DGKI: variants seen among roughly 807,000 people sequenced by gnomAD.
DGKI encodes the protein diacylglycerol kinase iota.
DGKI carries 55 observed loss-of-function variants against 147.5 expected under a neutral mutation model. That is an observed-to-expected ratio of 0.37 (90% CI 0.30 to 0.47). DGKI has a LOEUF of 0.47. Among genes scored for constraint, DGKI ranks in the 20% least tolerant of loss-of-function variants. The probability of loss-of-function intolerance (pLI) is 1.00; values close to 1 mark genes in which losing one functional copy is unlikely to be tolerated. For missense variants in DGKI, 1,007 were observed against 1,323.8 expected (o/e 0.76, Z 3.71); for synonymous variants, 469 against 477.1 (o/e 0.98, Z 0.22).
At chr7:137,427,076 A>C (rs536492806) in intron 28 of DGKI, among the ~76,000 whole-genome samples, 193 of 151,700 alleles carry the variant, frequency 1.3e-3, no homozygotes, top group South Asian at 5.4e-3. Flanking sequence ...GAACTCTCCA[A>C]CCCAAATCAA....
rs960676898 is a variant in DGKI, at chr7:137,490,134, C to T, written c.2249-2445G>A. On this transcript the variant is annotated intron_variant, in intron 21 of 32. Coordinates refer to ENST00000614521, the MANE Select transcript of DGKI (RefSeq NM_001321708.2). The stretch of plus-strand genomic sequence containing the variant: ...AAGAAAGAAAAAAGGGCATTCTCTA[C>T]CACAATTTTATAACACGATTACCAA... 2.6e-5 allele frequency among the ~76,000 whole-genome samples: 4 copies of T among 152,138 alleles called. No homozygotes were observed. The South Asian group carries it at 8.3e-4, about 32-fold the overall frequency.
chr7:137,729,507 A>C (rs1400340161), intron 1 of DGKI, among the ~76,000 whole-genome samples: 4 of 152,158 alleles, frequency 2.6e-5, no homozygotes, highest in Non-Finnish European at 5.9e-5. Context: ...ATCTATAAAA[A>C]CTAAATAACT....
chr7:137,731,382 T>G (rs1024197513), intron 1 of DGKI, among the ~76,000 whole-genome samples: 1 of 152,126 alleles, frequency 6.6e-6, no homozygotes, highest in Admixed American at 6.6e-5. Flanking sequence ...TTGCTTATTG[T>G]TCTTTCCCCA....
intron 1 of DGKI, among the ~76,000 whole-genome samples, chr7:137,814,733 T>C (rs372636680): frequency 1.3e-5 from 2 of 152,302 alleles, no homozygotes; most frequent in South Asian, 4.2e-4. Flanking sequence ...TCTGTAAGTA[T>C]TATTAAATGT....
intron 1 of DGKI, among the ~76,000 whole-genome samples, chr7:137,709,274 C>T (rs978379016): frequency 3.3e-5 from 5 of 152,050 alleles, no homozygotes; most frequent in African/African-American, 1.2e-4. Context: ...CTCTTATGGG[C>T]CACTGGGTAC....
chr7:137,648,398 T>C (rs1170444470), intron 5 of DGKI, among the ~76,000 whole-genome samples: 1 of 152,228 alleles, frequency 6.6e-6, no homozygotes, highest in African/African-American at 2.4e-5. Context: ...TCAACAATTA[T>C]TTAGAAATCT....
intron 23 of DGKI, among the ~76,000 whole-genome samples, chr7:137,470,980 C>T (rs555060419): frequency 6.6e-6 from 1 of 152,308 alleles, no homozygotes; most frequent in East Asian, 1.9e-4. Context: ...ATTAAGGCTA[C>T]ATCCACGAAA....
chr7:137,612,221 CTTT>C (rs551204704), intron 8 of DGKI, among the ~76,000 whole-genome samples: 4 of 113,948 alleles, frequency 3.5e-5, no homozygotes, highest in Non-Finnish European at 5.5e-5. Flanking sequence ...ACAAAACGGG[CTTT>C]TTTTTTTTTT....
chr7:137,678,585 C>G lies in DGKI; in HGVS notation c.578G>C (p.Gly193Ala), dbSNP rs1823119675. 1 of 1,614,020 alleles carries G rather than the reference C, an allele frequency of 6.2e-7. No individual in the cohort carries two copies. The highest frequency in any genetic ancestry group is 1.1e-5 in the South Asian group (1 of 91,084). The stretch of plus-strand genomic sequence containing the variant: ...AAATCTGACTTGGCAGTTCTCCTCT[C>G]CAAGGTAGCAGAGGTCTCCCGAGAC... ...TNVSGDLCYL[G>A]EENCQVRFAK... The change falls in exon 3 of 33, where the codon GGA becomes GCA. Residue 193 changes from glycine (G) to alanine (A), a missense_variant. Transcript: ENST00000614521.
chr7:137,415,024 G>C (rs906263578), intron 28 of DGKI, among the ~76,000 whole-genome samples: 1 of 152,110 alleles, frequency 6.6e-6, no homozygotes, highest in African/African-American at 2.4e-5. Context: ...AAGACATATG[G>C]ACCTTCAGAA....
intron 1 of DGKI, among the ~76,000 whole-genome samples, chr7:137,730,285 G>C (rs893944286): frequency 2.6e-5 from 4 of 152,084 alleles, no homozygotes; most frequent in Non-Finnish European, 5.9e-5. Flanking sequence ...AGGACCTGAT[G>C]CCTTTCTGGG....
chr7:137,680,650 G>T (rs1167173227), intron 2 of DGKI, among the ~76,000 whole-genome samples: 1 of 152,048 alleles, frequency 6.6e-6, no homozygotes, highest in Non-Finnish European at 1.5e-5. Flanking sequence ...CATGGTGGCA[G>T]GCACCTGTAA....
At chr7:137,626,549 A>G (rs1357464881) in intron 6 of DGKI, among the ~76,000 whole-genome samples, 2 of 152,164 alleles carry the variant, frequency 1.3e-5, no homozygotes, top group Non-Finnish European at 2.9e-5. Flanking sequence ...AAACTGTTCA[A>G]TATGAAATAA....
intron 20 of DGKI, among the ~76,000 whole-genome samples, chr7:137,526,949 C>T (rs1233598637): frequency 6.6e-6 from 1 of 152,072 alleles, no homozygotes; most frequent in African/African-American, 2.4e-5. Flanking sequence ...TTTTGGTTCT[C>T]CAGGGTCACT....
At chr7:137,449,891 A>G (rs185956957) in intron 27 of DGKI, among the ~76,000 whole-genome samples, 2 of 152,358 alleles carry the variant, frequency 1.3e-5, no homozygotes, top group South Asian at 2.1e-4. Context: ...CTAAGTGTCC[A>G]TCAACGTACA....
At chr7:137,754,201 T>C (rs2116772387) in intron 1 of DGKI, among the ~76,000 whole-genome samples, 2 of 152,146 alleles carry the variant, frequency 1.3e-5, no homozygotes, top group African/African-American at 4.8e-5. Context: ...CCTGTTTTCA[T>C]CCCCCGGTGG....
At chr7:137,437,615 C>T (rs995977605) in intron 28 of DGKI, among the ~76,000 whole-genome samples, 2 of 151,996 alleles carry the variant, frequency 1.3e-5, no homozygotes, top group African/African-American at 2.4e-5. Flanking sequence ...AAAAATTTCA[C>T]CACAAAATTT....
chr7:137,676,986 T>C (rs1277423032), intron 3 of DGKI, among the ~76,000 whole-genome samples: 1 of 152,214 alleles, frequency 6.6e-6, no homozygotes, highest in East Asian at 1.9e-4. Flanking sequence ...ATGTAAGTAA[T>C]ACTGGCTTTC....
chr7:137,843,540 T>A (rs1230006412), intron 1 of DGKI: 250 of 293,844 alleles, frequency 8.5e-4, no homozygotes, highest in Non-Finnish European at 1.2e-3. Context: ...TGAGGGGAAA[T>A]CTAGGAGTAC....
Sources: allele counts gnomAD v4.1 joint callset (sites outside exome capture counted in the v4.1 genomes callset), GRCh38; gene constraint gnomAD v4.1.1; transcripts MANE v1.5; gene names NCBI Gene and HGNC (gene_info 2026-07-23, HGNC 2026-07-21).